PCDHA13: variants seen among roughly 807,000 people sequenced by gnomAD.
PCDHA13 encodes the protein protocadherin alpha 13, also known as protocadherin alpha-13.
In PCDHA13, 54 loss-of-function variants were observed where a neutral mutation model predicts 64.8. The ratio of observed to expected loss-of-function variants is 0.83; its 90% CI spans 0.67 to 1.04. The LOEUF is 1.04. PCDHA13 is among the 50% of genes least tolerant of loss of function. The pLI is 0.00. For synonymous variants in PCDHA13, 587 were observed against 564.4 expected (o/e 1.04, Z -0.57); for missense variants, 1,248 against 1,254.3 (o/e 0.99, Z 0.08).
intron 1 of PCDHA13, among the ~76,000 whole-genome samples, chr5:140,944,779 T>C (rs1022054674): frequency 6.6e-6 from 1 of 152,228 alleles, no homozygotes; most frequent in African/African-American, 2.4e-5. Flanking sequence ...CCTCCTGTTA[T>C]TGTATTTTAC....
chr5:140,927,720 G>T lies in PCDHA13; in HGVS notation c.2394+43058G>T. The T allele has an allele frequency of 3.1e-6, 5 of 1,614,174 alleles. No homozygotes were observed. The Middle Eastern group carries it at 4.9e-4, about 160-fold the overall frequency. On this transcript the variant is annotated intron_variant, in intron 1 of 3. Coordinates refer to ENST00000289272, the MANE Select transcript of PCDHA13 (RefSeq NM_018904.3). ...TCCAGTACTCCCTAAGCAACAGCACGCAAGCAGAGCTGCGACACCGCTTTC... is the reference window on the plus strand; with the variant it reads ...TCCAGTACTCCCTAAGCAACAGCACTCAAGCAGAGCTGCGACACCGCTTTC...
At chr5:140,972,514 A>G (rs2096539827) in intron 1 of PCDHA13, among the ~76,000 whole-genome samples, 1 of 152,260 alleles carries the variant, frequency 6.6e-6, no homozygotes, top group Admixed American at 6.5e-5. Context: ...TTTTACCCCC[A>G]GTGAGCTTAT....
At chr5:140,923,660 G>T (rs1442227445) in intron 1 of PCDHA13, among the ~76,000 whole-genome samples, 1 of 152,148 alleles carries the variant, frequency 6.6e-6, no homozygotes, top group South Asian at 2.1e-4. Context: ...TTATCTTTGG[G>T]ATATCGTTCT....
chr5:141,002,442 A>G (rs1177854570), intron 3 of PCDHA13, among the ~76,000 whole-genome samples: 3 of 152,218 alleles, frequency 2.0e-5, no homozygotes, highest in Non-Finnish European at 4.4e-5. Context: ...AACCATAATA[A>G]TTGGCACATT....
At chr5:141,007,985 A>C (rs2153994605) in intron 3 of PCDHA13, among the ~76,000 whole-genome samples, 1 of 152,322 alleles carries the variant, frequency 6.6e-6, no homozygotes, top group South Asian at 2.1e-4. Context: ...TGTATATATG[A>C]AATGTACATG....
At chr5:140,935,264 A>G (rs756476804) in intron 1 of PCDHA13, among the ~76,000 whole-genome samples, 3 of 152,196 alleles carry the variant, frequency 2.0e-5, no homozygotes, top group African/African-American at 7.2e-5. Context: ...TCACATGTTT[A>G]TACTAATCTA....
intron 1 of PCDHA13, among the ~76,000 whole-genome samples, chr5:140,964,836 T>G (rs1306843318): frequency 1.3e-5 from 2 of 152,148 alleles, no homozygotes; most frequent in African/African-American, 4.8e-5. Flanking sequence ...AATTGCTTCC[T>G]ACTCTGTACC....
chr5:140,882,955 C>T lies in PCDHA13; in HGVS notation c.687C>T (p.Leu229=). The T allele has an allele frequency of 6.2e-7, 1 of 1,614,178 alleles. No homozygotes were observed. The highest frequency in any genetic ancestry group is 2.2e-5 in the East Asian group (1 of 44,886). The change falls in exon 1 of 4, where the codon CTC becomes CTT. Residue 229 remains leucine, a synonymous_variant. Transcript: ENST00000289272. ...AGCTGACTGGCACAGTTCAGCTGCT[C>T]ATCACGATTCTGGACGTGAATGACA... The part of the protein sequence containing the change: ...KPELTGTVQL[L]ITILDVNDNA...
chr5:141,004,142 G>A (rs1323224367), intron 3 of PCDHA13, among the ~76,000 whole-genome samples: 2 of 152,214 alleles, frequency 1.3e-5, no homozygotes, highest in African/African-American at 4.8e-5. Flanking sequence ...TGCCCCAAAG[G>A]CATGACATTT....
chr5:140,969,184 C>A (rs1381646688), intron 1 of PCDHA13: 1 of 1,613,998 alleles, frequency 6.2e-7, no homozygotes, highest in Non-Finnish European at 8.5e-7. Flanking sequence ...GTGACACTTT[C>A]ATGTTTTACA....
At chr5:140,924,767 C>T (rs782265529) in intron 1 of PCDHA13, among the ~76,000 whole-genome samples, 3 of 151,618 alleles carry the variant, frequency 2.0e-5, no homozygotes, top group South Asian at 2.1e-4. Flanking sequence ...TGGTGGTGCG[C>T]GCTTGTAGTC....
intron 2 of PCDHA13, among the ~76,000 whole-genome samples, chr5:140,979,718 TGCCATGGG>T (rs1430155366): frequency 1.3e-5 from 2 of 152,270 alleles, no homozygotes; most frequent in Non-Finnish European, 2.9e-5. Context: ...CCAGTATCCA[TGCCATGGG>T]GCCAAATAAA....
At chr5:140,891,400 G>A (rs1220760247) in intron 1 of PCDHA13, among the ~76,000 whole-genome samples, 1 of 150,966 alleles carries the variant, frequency 6.6e-6, no homozygotes, top group Non-Finnish European at 1.5e-5. Flanking sequence ...TTTATCCCTC[G>A]CCACCCCCCA....
At chr5:140,952,921 A>G (rs1385762046) in intron 1 of PCDHA13, among the ~76,000 whole-genome samples, 4 of 152,138 alleles carry the variant, frequency 2.6e-5, no homozygotes, top group African/African-American at 4.8e-5. Context: ...ACATGGCATG[A>G]GCAGGAGCAG....
At chr5:140,974,856 C>G (rs2096643713) in intron 1 of PCDHA13, among the ~76,000 whole-genome samples, 1 of 152,104 alleles carries the variant, frequency 6.6e-6, no homozygotes, top group African/African-American at 2.4e-5. Context: ...TTCCCTTTTG[C>G]CTTAATGCGG....
At chr5:140,985,684 C>T (rs2097164164) in intron 3 of PCDHA13, among the ~76,000 whole-genome samples, 1 of 151,578 alleles carries the variant, frequency 6.6e-6, no homozygotes, top group Non-Finnish European at 1.5e-5. Flanking sequence ...CTGCCTTACG[C>T]TAATCCTCGT....
At chr5:140,966,208 T>G (rs993246205) in intron 1 of PCDHA13, 2 of 231,366 alleles carry the variant, frequency 8.6e-6, no homozygotes, top group Admixed American at 1.1e-4. Flanking sequence ...TTGACTGCTT[T>G]TCCCAGACTA....
chr5:140,884,217 T>A lies in PCDHA13; in HGVS notation c.1949T>A (p.Leu650Gln), dbSNP rs782181432. Reference sequence around the variant, plus strand: ...GCGCCGCACCACCGCCTTCTGGTGCTGGTGAAGGACCACGGTGAGCCCGCG... The same window carrying A: ...GCGCCGCACCACCGCCTTCTGGTGCAGGTGAAGGACCACGGTGAGCCCGCG... Reference protein sequence around the residue: ...VDAPHHRLLVLVKDHGEPALT... With the variant: ...VDAPHHRLLVQVKDHGEPALT... Residue 650 changes from leucine to glutamine, a missense_variant, in exon 1 of 4, where the codon CTG (leucine) becomes CAG (glutamine). By Grantham distance (113) the Leu-to-Gln change is moderately radical. Transcript: ENST00000289272. 4 of 1,613,448 alleles carry A rather than the reference T, an allele frequency of 2.5e-6. No homozygotes were observed. The highest frequency in any genetic ancestry group is 3.4e-6 in the Non-Finnish European group (4 of 1,179,738).
At chr5:140,884,689 T>C (rs1290961484) in intron 1 of PCDHA13, 27 bp downstream of exon 1, 11 of 1,534,282 alleles carry the variant, frequency 7.2e-6, no homozygotes, top group Non-Finnish European at 9.6e-6. Flanking sequence ...AAAAATTGTC[T>C]TAGTAAACAC....
Sources: gnomAD v4.1 joint callset for allele counts (sites outside exome capture counted in the v4.1 genomes callset) on GRCh38, gnomAD v4.1.1 for gene constraint, MANE v1.5 for transcripts, NCBI Gene and HGNC (gene_info 2026-07-23, HGNC 2026-07-21) for gene names.